The following PCDHGB4 variants were observed in gnomAD, a reference collection of about 807,000 sequenced individuals.
PCDHGB4 encodes the protein protocadherin gamma subfamily B, 4.
In PCDHGB4, 38 loss-of-function variants were observed where a neutral mutation model predicts 60.5. The observed-to-expected ratio is 0.63, with a 90% confidence interval of 0.48 to 0.82. The LOEUF (loss-of-function observed/expected upper bound fraction) is 0.82, where lower values mean the gene tolerates loss of function less well. Ranked by LOEUF, PCDHGB4 falls within the 40% of genes least tolerant of loss-of-function variation. The probability of loss-of-function intolerance (pLI) is 0.00; values close to 1 mark genes in which losing one functional copy is unlikely to be tolerated. For synonymous variants in PCDHGB4, 456 were observed against 509.7 expected (o/e 0.89, Z 1.42); for missense variants, 1,109 against 1,209.6 (o/e 0.92, Z 1.23).
chr5:141,417,678 A>G (rs1306009640), intron 1 of PCDHGB4: 4 of 997,368 alleles, frequency 4.0e-6, no homozygotes, highest in Non-Finnish European at 5.7e-6. Flanking sequence ...GCAGCCAACA[A>G]CAGAAAAGAA....
intron 2 of PCDHGB4, among the ~76,000 whole-genome samples, chr5:141,502,002 C>T (rs1434269040): frequency 1.3e-5 from 2 of 152,164 alleles, no homozygotes; most frequent in South Asian, 2.1e-4. Context: ...CCTGACAACC[C>T]GCATGCTCTC....
Position 141,477,016 on chromosome 5 carries a change from A to G in PCDHGB4, c.2398-17791A>G, listed in dbSNP as rs2099403497. Reference sequence around the variant, plus strand: ...GGCAACTATTCGCCTTAGACCTTGTAACCGGGATGCTGACAATCAAGGGTC... The same window carrying G: ...GGCAACTATTCGCCTTAGACCTTGTGACCGGGATGCTGACAATCAAGGGTC... On this transcript the variant is annotated intron_variant, in intron 1 of 3. Transcript: ENST00000519479. The surrounding 1 kb of genome is among the most constrained non-coding windows in gnomAD (Gnocchi z 4.9). 4.3e-6 allele frequency: 7 copies of G among 1,614,130 alleles called. No homozygotes were observed. The highest frequency in any genetic ancestry group is 5.9e-6 in the Non-Finnish European group (7 of 1,180,050).
chr5:141,448,511 A>C (rs2098593334), intron 1 of PCDHGB4, among the ~76,000 whole-genome samples: 1 of 152,076 alleles, frequency 6.6e-6, no homozygotes, highest in Admixed American at 6.6e-5. Context: ...ACATTTTATA[A>C]CTTTATTAAG....
At chr5:141,398,273 A>G (rs1223394149) in intron 1 of PCDHGB4, 1 of 1,414,722 alleles carries the variant, frequency 7.1e-7, no homozygotes, top group Non-Finnish European at 9.6e-7. Flanking sequence ...GTAGTGGGGA[A>G]CCTCGCCACG....
intron 1 of PCDHGB4, among the ~76,000 whole-genome samples, chr5:141,437,491 T>C (rs1428543921): frequency 6.6e-6 from 1 of 152,184 alleles, no homozygotes; most frequent in Non-Finnish European, 1.5e-5. Flanking sequence ...ATCTCGTAGA[T>C]CACTTTTCAA....
At chr5:141,427,602 A>G (rs1415454468) in intron 1 of PCDHGB4, 1 of 685,668 alleles carries the variant, frequency 1.5e-6, no homozygotes, top group Non-Finnish European at 2.7e-6. Flanking sequence ...CACCCTACGC[A>G]TTGGTGAAGT....
chr5:141,434,178 G>C (rs960680568), intron 1 of PCDHGB4, among the ~76,000 whole-genome samples: 1 of 152,178 alleles, frequency 6.6e-6, no homozygotes, highest in African/African-American at 2.4e-5. Flanking sequence ...TTATATCCAA[G>C]ATTTGTAATT....
chr5:141,421,850 C>T, intron 1 of PCDHGB4: 1 of 1,613,752 alleles, frequency 6.2e-7, no homozygotes, highest in Non-Finnish European at 8.5e-7. Context: ...AAAGAGGCTG[C>T]TCACCTGCTC....
intron 2 of PCDHGB4, among the ~76,000 whole-genome samples, chr5:141,503,685 G>A (rs1171934407): frequency 2.6e-5 from 4 of 151,882 alleles, no homozygotes; most frequent in African/African-American, 9.7e-5. Context: ...TTGGGAAGGA[G>A]AATTGAGATT....
In PCDHGB4 at chr5:141,389,091, G is replaced by A. The variant is rs1303132964; in HGVS notation, c.1207G>A (p.Val403Met). Residue 403 changes from valine to methionine, a missense_variant, in exon 1 of 4, where the codon GTG becomes ATG. Physicochemically the swap from Val to Met is conservative, Grantham distance 21. Transcript: ENST00000519479. ...LTSSRNTYKLVTDAVLDREQN... is the reference protein window; with the variant it reads ...LTSSRNTYKLMTDAVLDREQN... ...TTCTTCAAGAAACACGTATAAATTAGTGACAGATGCTGTTCTAGACCGCGA... is the reference window on the plus strand; with the variant it reads ...TTCTTCAAGAAACACGTATAAATTAATGACAGATGCTGTTCTAGACCGCGA... The A allele has an allele frequency of 6.2e-7, 1 of 1,614,038 alleles. No homozygotes were observed. Among genetic ancestry groups the A allele is most frequent in the Non-Finnish European group, 8.5e-7 (1 of 1,179,888 alleles).
In PCDHGB4 at chr5:141,432,695, G is replaced by A. The variant is rs1275179569; in HGVS notation, c.2397+42414G>A. ...GCTCAAGCAGAGCCTCGTAGTGGCC[G>A]TCCAGGACCACGGCCAGCCCCCTCT... On this transcript the variant is annotated intron_variant, in intron 1 of 3. Coordinates refer to ENST00000519479, the MANE Select transcript of PCDHGB4 (RefSeq NM_003736.4). This position sits in a 1 kb window ranked among gnomAD's most constrained non-coding sequence, Gnocchi z 6.0. The A allele has an allele frequency of 3.1e-6, 5 of 1,613,822 alleles. No homozygotes were observed. The highest frequency in any genetic ancestry group is 1.7e-5 in the Admixed American group (1 of 60,002).
chr5:141,398,888 A>G (rs2093720509), intron 1 of PCDHGB4: 2 of 1,613,968 alleles, frequency 1.2e-6, no homozygotes, highest in East Asian at 4.5e-5. Context: ...CTTCGGGAAA[A>G]CGTGCCACCA....
chr5:141,410,239 T>C, intron 1 of PCDHGB4: 2 of 1,614,024 alleles, frequency 1.2e-6, no homozygotes, highest in Admixed American at 1.7e-5. Flanking sequence ...GCGACCGCCC[T>C]GTACTCTCTG....
chr5:141,388,594 A>G lies in PCDHGB4; in HGVS notation c.710A>G (p.Asp237Gly). Residue 237 changes from aspartate to glycine, a missense_variant, in exon 1 of 4, where the codon GAT (aspartate) becomes GGT (glycine). Physicochemically the swap from Asp to Gly is moderately conservative, Grantham distance 94. Coordinates refer to ENST00000519479, the MANE Select transcript of PCDHGB4 (RefSeq NM_003736.4). ...QIHVLVTDAN[D>G]NAPVFSQDVY... Reference sequence around the variant, plus strand: ...CACGTTCTAGTGACTGATGCCAATGATAATGCTCCAGTGTTCAGTCAAGAC... The same window carrying G: ...CACGTTCTAGTGACTGATGCCAATGGTAATGCTCCAGTGTTCAGTCAAGAC... 6.2e-7 allele frequency: 1 copy of G among 1,613,936 alleles called. No homozygotes were observed. Among genetic ancestry groups the G allele is most frequent in the Non-Finnish European group, 8.5e-7 (1 of 1,179,892 alleles).
chr5:141,432,025 G>T lies in PCDHGB4; in HGVS notation c.2397+41744G>T. ...AGGTTCCTAGCTACAACATCACAGT[G>T]ACCGCCACTGACCGGGGAACCCCGC... On this transcript the variant is annotated intron_variant, in intron 1 of 3. Coordinates refer to ENST00000519479, the MANE Select transcript of PCDHGB4 (RefSeq NM_003736.4). The surrounding 1 kb of genome is among the most constrained non-coding windows in gnomAD (Gnocchi z 6.0). The T allele has an allele frequency of 6.2e-7, 1 of 1,614,158 alleles. No homozygotes were observed. The highest frequency in any genetic ancestry group is 1.1e-5 in the South Asian group (1 of 91,058).
At chr5:141,510,879 G>T in intron 3 of PCDHGB4, 68 bp from the exon 4 acceptor site, 1 of 1,611,520 alleles carries the variant, frequency 6.2e-7, no homozygotes, top group Non-Finnish European at 8.5e-7. Flanking sequence ...TAACTGCTGG[G>T]GATATAAGAC....
At chr5:141,433,732 G>A (rs1181042854) in intron 1 of PCDHGB4, among the ~76,000 whole-genome samples, 2 of 151,886 alleles carry the variant, frequency 1.3e-5, no homozygotes, top group Non-Finnish European at 2.9e-5. Flanking sequence ...AGCTACTTGG[G>A]AGGCTGAGTC....
At chr5:141,461,388 A>T (rs1025976806) in intron 1 of PCDHGB4, among the ~76,000 whole-genome samples, 5 of 152,164 alleles carry the variant, frequency 3.3e-5, no homozygotes, top group Admixed American at 6.5e-5. Context: ...CCTGATGATT[A>T]GCGATGTTGA....
rs377248872 is a variant in PCDHGB4 at position 141,489,231 on chromosome 5, C to T, written c.2398-5576C>T. 2 of 1,528,166 alleles carry T rather than the reference C, an allele frequency of 1.3e-6. No homozygotes were observed. The highest frequency in any genetic ancestry group is 1.4e-5 in the African/African-American group (1 of 72,140). The allele number at this position is 1,528,166 out of a possible 1,614,324, so 94.7% of individuals were successfully genotyped here. A position where few individuals can be genotyped will look rare whatever the true frequency, so the allele number is the denominator to read the frequency against. On this transcript the variant is annotated intron_variant, in intron 1 of 3. Transcript: ENST00000519479. This position sits in a 1 kb window ranked among gnomAD's most constrained non-coding sequence, Gnocchi z 4.5. ...CACAGACTTACTCTCCACAAAGGGA[C>T]TTCTGGGTCATGGGGCCCAAGACAC...
Sources: gnomAD v4.1 joint callset for allele counts (sites outside exome capture counted in the v4.1 genomes callset) on GRCh38, gnomAD v4.1.1 for gene constraint, Gnocchi (gnomAD v3.1) non-coding constraint, MANE v1.5 for transcripts, NCBI Gene and HGNC (gene_info 2026-07-23, HGNC 2026-07-21) for gene names.